The following ADD2 variants were observed in gnomAD, a reference collection of about 807,000 sequenced individuals.
ADD2 encodes the protein adducin 2.
In ADD2, 23 loss-of-function variants were observed where a neutral mutation model predicts 83.0. That is an observed-to-expected ratio of 0.28 (90% CI 0.20 to 0.39). The LOEUF (loss-of-function observed/expected upper bound fraction) is 0.39, where lower values mean the gene tolerates loss of function less well. Among genes scored for constraint, ADD2 ranks in the 10% least tolerant of loss-of-function variants. ADD2 has a pLI of 1.00. For synonymous variants in ADD2, 375 were observed against 375.4 expected, an observed-to-expected ratio of 1.00 and a Z score of 0.01; for missense variants, 758 against 944.9, an observed-to-expected ratio of 0.80 and a Z score of 2.59.
chr2:70,673,261 GGAGGGCAACGCT>G (rs782678959), intron 14 of ADD2: 1 of 1,614,088 alleles, frequency 6.2e-7, no homozygotes. Flanking sequence ...CTCCAGATGT[GGAGGGCAACGCT>G]GAAGAACTCG....
intron 15 of ADD2, among the ~76,000 whole-genome samples, chr2:70,672,026 T>C (rs1345427194): frequency 3.3e-5 from 5 of 152,238 alleles, no homozygotes; most frequent in African/African-American, 4.8e-5. Context: ...TTATGTATAC[T>C]ATTAACCATA....
At chr2:70,665,588 T>C (rs114272658) in intron 15 of ADD2, among the ~76,000 whole-genome samples, 2,614 of 152,280 alleles carry the variant, frequency 0.017, 72 homozygotes, top group African/African-American at 0.06. Flanking sequence ...CTGCTGGTCC[T>C]GGACCTCTCA....
At chr2:70,751,502 C>T (rs370553816) in intron 1 of ADD2, among the ~76,000 whole-genome samples, 20 of 152,138 alleles carry the variant, frequency 1.3e-4, no homozygotes, top group African/African-American at 4.6e-4. Context: ...ATAGAAACTA[C>T]TAGGACAAAA....
chr2:70,676,665 G>A lies in ADD2; in HGVS notation c.1593+131C>T, dbSNP rs1670158833. ...GAGGTTGGCCTCCATTTTGCAGCAA[G>A]AGCACCGGCACCCAAGATCACAGGG... On this transcript the variant is annotated intron_variant, in intron 13 of 15. Transcript: ENST00000264436. This position sits in a 1 kb window ranked among gnomAD's most constrained non-coding sequence, Gnocchi z 4.8. 1.3e-6 allele frequency: 2 copies of A among 1,495,726 alleles called. No homozygotes were observed. The highest frequency in any genetic ancestry group is 1.8e-6 in the Non-Finnish European group (2 of 1,114,604). The allele number at this position is 1,495,726 out of a possible 1,614,324, so 92.7% of individuals were successfully genotyped here. A position where few individuals can be genotyped will look rare whatever the true frequency, so the allele number is the denominator to read the frequency against.
chr2:70,676,827 G>A lies in ADD2; in HGVS notation c.1562C>T (p.Ala521Val), dbSNP rs373747708. The change falls in exon 13 of 16, where the codon GCG becomes GTG. Residue 521 changes from alanine (A) to valine (V), a missense_variant. Physicochemically the swap from Ala to Val is moderately conservative, Grantham distance 64. This residue lies in a region of ADD2 where 394 missense variants were observed against 509.3 expected (regional missense o/e 0.77). Coordinates refer to ENST00000264436, the MANE Select transcript of ADD2 (RefSeq NM_001617.4). This position sits in a 1 kb window ranked among gnomAD's most constrained non-coding sequence, Gnocchi z 4.8. ...KSAGPQSQLL[A>V]SVIAEKSRSP... is the part of the protein sequence containing the mutation. ...TCGGCTCTTCTCGGCAATGACGCTC[G>A]CCAGGAGCTGGGACTGAGGCCCCGC... 12 of 1,614,076 alleles carry A rather than the reference G, an allele frequency of 7.4e-6. No homozygotes were observed. Among genetic ancestry groups the A allele is most frequent in the Non-Finnish European group, 8.5e-6 (10 of 1,180,036 alleles).
chr2:70,704,210 C>G, intron 4 of ADD2, 111 bp downstream of exon 4: 5 of 1,393,304 alleles, frequency 3.6e-6, no homozygotes, highest in Non-Finnish European at 4.9e-6. Context: ...ACACAATGGG[C>G]TGCTTACTCC....
At position 70,660,630 on chromosome 2, in the gene ADD2, C is replaced by T. The variant is rs1462994155; in HGVS notation, c.*2795G>A. On this transcript the variant is annotated 3_prime_UTR_variant, in exon 16 of 16. Coordinates refer to ENST00000264436, the MANE Select transcript of ADD2 (RefSeq NM_001617.4). ...TTTCCTTAGGATTCAGCCCTGCCTA[C>T]CTATGAAGGGACCCCTCAACCCCTG... The T allele has an allele frequency of 1.3e-5, 2 of 152,310 alleles. No individual in the cohort carries two copies. Among genetic ancestry groups the T allele is most frequent in the Non-Finnish European group, 2.9e-5 (2 of 68,122 alleles). The allele number at this position is 152,310 out of a possible 1,614,324, so 9.4% of individuals were successfully genotyped here.
In ADD2 at chr2:70,728,905, G is replaced by A. The variant is rs147742725; in HGVS notation, c.-153-15721C>T. 5.3e-3 allele frequency among the ~76,000 whole-genome samples: 805 copies of A among 152,360 alleles called. 9 individuals carry two copies. The highest frequency in any genetic ancestry group is 0.018 in the African/African-American group (756 of 41,584). On this transcript the variant is annotated intron_variant, in intron 1 of 15. Transcript: ENST00000264436. ...TGGTAATGTTTGTTTTTGGTGGTGC[G>A]GGAGTAGGGAAGCCTCACTGAAGAC... is the stretch of plus-strand genomic sequence containing the variant.
chr2:70,736,990 G>C (rs1553380267), intron 1 of ADD2, among the ~76,000 whole-genome samples: 1 of 152,030 alleles, frequency 6.6e-6, no homozygotes, highest in East Asian at 1.9e-4. Flanking sequence ...ATCATCAATG[G>C]CCATCAGAGA....
At chr2:70,715,679 C>T (rs984400302) in intron 1 of ADD2, among the ~76,000 whole-genome samples, 3 of 152,148 alleles carry the variant, frequency 2.0e-5, no homozygotes, top group Middle Eastern at 3.2e-3. Flanking sequence ...TTTGCCTATT[C>T]CTGTGTCCTG....
chr2:70,767,558 G>T, intron 1 of ADD2: 3 of 1,047,936 alleles, frequency 2.9e-6, no homozygotes, highest in Non-Finnish European at 3.6e-6. Context: ...GGCTAGGCGA[G>T]GCGAGGCTTG....
At chr2:70,692,639 G>T in intron 6 of ADD2, 87 bp from the exon 7 acceptor site, 3 of 1,387,086 alleles carry the variant, frequency 2.2e-6, no homozygotes, top group South Asian at 1.5e-5. Flanking sequence ...AGCATGTGCC[G>T]CCCACCTGTC....
In ADD2 at chr2:70,657,091, G is replaced by C. The variant is rs1419524400; in HGVS notation, c.*6334C>G. 3.9e-5 allele frequency: 6 copies of C among 152,004 alleles called. No homozygotes were observed. Among genetic ancestry groups the C allele is most frequent in the Non-Finnish European group, 8.8e-5 (6 of 68,022 alleles). 9.4% of individuals were successfully genotyped at this position (152,004 alleles called of 1,614,324 possible). On this transcript the variant is annotated 3_prime_UTR_variant, in exon 16 of 16. Transcript: ENST00000264436. ...ACTAACCACCGATCTGCACGTCAGT[G>C]GCTCAAAAAGTGTTAGCATAGAGAA...
chr2:70,714,659 T>A (rs1019522879), intron 1 of ADD2, among the ~76,000 whole-genome samples: 3 of 152,136 alleles, frequency 2.0e-5, no homozygotes, highest in African/African-American at 7.2e-5. Context: ...TAGAACAGGG[T>A]CCTAGCCACC....
intron 15 of ADD2, among the ~76,000 whole-genome samples, chr2:70,668,924 G>A (rs1344258448): frequency 1.3e-5 from 2 of 152,190 alleles, no homozygotes; most frequent in African/African-American, 4.8e-5. Context: ...GATGGATCCT[G>A]ACCTACATTC....
intron 1 of ADD2, among the ~76,000 whole-genome samples, chr2:70,747,903 A>G (rs1195993427): frequency 6.6e-6 from 1 of 152,196 alleles, no homozygotes; most frequent in Non-Finnish European, 1.5e-5. Context: ...GTAGGTCAAC[A>G]ATCGAAATGG....
chr2:70,753,652 C>T (rs1347482139), intron 1 of ADD2, among the ~76,000 whole-genome samples: 1 of 151,972 alleles, frequency 6.6e-6, no homozygotes, highest in African/African-American at 2.4e-5. Context: ...CTCAATGAAG[C>T]TGGAGGCACC....
At chr2:70,674,977 A>G (rs1258071666) in intron 13 of ADD2, 152 bp from the exon 14 acceptor site, 1 of 1,358,232 alleles carries the variant, frequency 7.4e-7, no homozygotes, top group Non-Finnish European at 9.6e-7. Context: ...GCCTTGGGGT[A>G]GGGATTGTTC....
intron 1 of ADD2, among the ~76,000 whole-genome samples, chr2:70,745,242 T>C (rs978092967): frequency 5.9e-5 from 9 of 151,834 alleles, no homozygotes; most frequent in Non-Finnish European, 7.4e-5. Context: ...GCCGAGATCA[T>C]GCCACTGCAC....
Sources: gnomAD v4.1 joint callset for allele counts (sites outside exome capture counted in the v4.1 genomes callset) on GRCh38, gnomAD v4.1.1 for gene constraint, gnomAD v4.1.1 regional missense constraint, Gnocchi (gnomAD v3.1) non-coding constraint, MANE v1.5 for transcripts, NCBI Gene and HGNC (gene_info 2026-07-23, HGNC 2026-07-21) for gene names.